Variants in EXD3 observed in about 807,000 individuals in gnomAD.
The protein encoded by EXD3 is exonuclease 3'-5' domain containing 3, also known as exonuclease mut-7 homolog.
A neutral mutation model predicts 98.0 loss-of-function variants in EXD3; 92 were observed. The ratio of observed to expected loss-of-function variants is 0.94; its 90% confidence interval spans 0.79 to 1.12. The LOEUF (loss-of-function observed/expected upper bound fraction) is 1.12. Ranked by LOEUF, EXD3 falls within the 50% of genes most tolerant of loss-of-function variation. The pLI is 0.00. For synonymous variants in EXD3, 569 were observed against 526.0 expected (o/e 1.08, Z -1.12); for missense variants, 1,222 against 1,191.6 (o/e 1.03, Z -0.38).
chr9:137,324,358 C>T lies in EXD3; in HGVS notation c.1999-215G>A, dbSNP rs963352135. ...TTGTATAGATTTAATCTTGGCACCA[C>T]GCAAACATTTTTTTTTCATAATTAG... On this transcript the variant is annotated intron_variant, in intron 17 of 21. Coordinates refer to ENST00000340951, the MANE Select transcript of EXD3 (RefSeq NM_017820.5). This position sits in a 1 kb window ranked among gnomAD's most constrained non-coding sequence, Gnocchi z 4.1. Among the ~76,000 whole-genome samples the T allele has an allele frequency of 7.2e-5, 11 of 152,138 alleles. No individual in the cohort carries two copies. The highest frequency in any genetic ancestry group is 2.2e-4 in the African/African-American group (9 of 41,436).
intron 11 of EXD3, 86 bp downstream of exon 11, chr9:137,352,534 T>C: frequency 7.7e-7 from 1 of 1,295,596 alleles, no homozygotes; most frequent in Non-Finnish European, 1.0e-6. Flanking sequence ...GCCACTGGCG[T>C]GAAGACTGGT....
At chr9:137,391,041 G>A (rs1316146073) in intron 2 of EXD3, among the ~76,000 whole-genome samples, 1 of 152,206 alleles carries the variant, frequency 6.6e-6, no homozygotes, top group Non-Finnish European at 1.5e-5. Context: ...GGTGGGGCGG[G>A]GGTGGCCTGC....
At chr9:137,420,802 T>G (rs1430497005) in intron 1 of EXD3, among the ~76,000 whole-genome samples, 1 of 143,502 alleles carries the variant, frequency 7.0e-6, no homozygotes, top group Non-Finnish European at 1.5e-5. Flanking sequence ...TGGCTTGGCT[T>G]CCTAGACATG....
At position 137,323,737 on chromosome 9, in the gene EXD3, G is replaced by A. The variant is rs948083207; in HGVS notation, c.2172C>T (p.Phe724=). 4 of 1,612,132 alleles carry A rather than the reference G, an allele frequency of 2.5e-6. No homozygotes were observed. Among genetic ancestry groups the A allele is most frequent in the African/African-American group, 1.3e-5 (1 of 74,928 alleles). ...FNVRVTHADI[F]SRCQACNCDQ... is the part of the protein sequence containing the mutation. ...GCGCAGGACCCACCTGGCAGCGGCT[G>A]AAGATGTCTGCGTGGGTGACACGCA... The change falls in exon 19 of 22, where the codon TTC becomes TTT. Residue 724 remains phenylalanine (F), a synonymous_variant. Coordinates refer to ENST00000340951, the MANE Select transcript of EXD3 (RefSeq NM_017820.5).
Position 137,356,259 on chromosome 9 carries a change from TG to T in EXD3, c.757+8del. On this transcript the variant is annotated splice_region_variant and intron_variant, in intron 8 of 21. Coordinates refer to ENST00000340951, the MANE Select transcript of EXD3 (RefSeq NM_017820.5). ...GCCTGTGGGGCAGGAATGTGGGGGCTGGACTCACCTGGGGCTACGCCGTACC... is the reference window on the plus strand; with the variant it reads ...GCCTGTGGGGCAGGAATGTGGGGGCTGACTCACCTGGGGCTACGCCGTACC... 6.3e-7 allele frequency: 1 copy of T among 1,588,278 alleles called. No individual in the cohort carries two copies.
rs73581556 is a variant in EXD3, at chr9:137,349,579, G to A, written c.1495-48C>T. The A allele has an allele frequency of 2.4e-4, 362 of 1,489,666 alleles. No individual in the cohort carries two copies. In the African/African-American group the frequency reaches 4.6e-3, roughly 19 times the overall value. The allele number at this position is 1,489,666 out of a possible 1,614,324, so 92.3% of individuals were successfully genotyped here. On this transcript the variant is annotated intron_variant, in intron 14 of 21. Coordinates refer to ENST00000340951, the MANE Select transcript of EXD3 (RefSeq NM_017820.5). This position sits in a 1 kb window ranked among gnomAD's most constrained non-coding sequence, Gnocchi z 7.4. ...GGTAACGCGTCTGGCCCTGGCGGCAGCACAGTCACCGTGCCCACTCACACC... is the reference window on the plus strand; with the variant it reads ...GGTAACGCGTCTGGCCCTGGCGGCAACACAGTCACCGTGCCCACTCACACC...
chr9:137,352,897 G>A (rs749497821), intron 10 of EXD3, 111 bp from the exon 11 acceptor site: 101 of 1,450,286 alleles, frequency 7.0e-5, no homozygotes, highest in Non-Finnish European at 7.8e-5. Context: ...ATGAGCACTC[G>A]GGGAGGAGGG....
intron 8 of EXD3, among the ~76,000 whole-genome samples, chr9:137,355,362 C>T (rs956095706): frequency 1.3e-5 from 2 of 151,506 alleles, no homozygotes; most frequent in East Asian, 3.9e-4. Flanking sequence ...GCCCCACCCC[C>T]CACGCCCAGA....
rs1015768431 is a variant in EXD3 at position 137,407,538 on chromosome 9, C to CT, written c.-47-12135dup. Among the ~76,000 whole-genome samples the CT allele has an allele frequency of 3.9e-5, 6 of 152,216 alleles. No homozygotes were observed. The highest frequency in any genetic ancestry group is 1.4e-4 in the African/African-American group (6 of 41,462). ...CAGAACCCAGCGTCCCCGCCCCCAT[C>CT]TCCCGGGATCCCTTGGCTAAGGGAG... is the stretch of plus-strand genomic sequence containing the variant. On this transcript the variant is annotated intron_variant, in intron 1 of 21. Transcript: ENST00000340951. This position sits in a 1 kb window ranked among gnomAD's most constrained non-coding sequence, Gnocchi z 4.4.
chr9:137,354,045 C>G lies in EXD3; in HGVS notation c.870+294G>C, dbSNP rs576021705. 3.3e-3 allele frequency: 3,959 copies of G among 1,203,912 alleles called. 9 individuals carry two copies. Among genetic ancestry groups the G allele is most frequent in the Non-Finnish European group, 3.9e-3 (3,789 of 969,038 alleles). 74.6% of individuals were successfully genotyped at this position (1,203,912 alleles called of 1,614,324 possible). A position where few individuals can be genotyped will look rare whatever the true frequency, so the allele number is the denominator to read the frequency against. Reference sequence around the variant, plus strand: ...CACCTCTCTGGTGACTCTCAGCCCCCACCCGGCCCCACAGGCAGCTCCGCT... The same window carrying G: ...CACCTCTCTGGTGACTCTCAGCCCCGACCCGGCCCCACAGGCAGCTCCGCT... On this transcript the variant is annotated intron_variant, in intron 10 of 21. Coordinates refer to ENST00000340951, the MANE Select transcript of EXD3 (RefSeq NM_017820.5).
At chr9:137,344,045 C>G (rs908801351) in intron 17 of EXD3, among the ~76,000 whole-genome samples, 2 of 151,102 alleles carry the variant, frequency 1.3e-5, no homozygotes, top group African/African-American at 2.4e-5. Flanking sequence ...GTGCCCGCCA[C>G]CACACCTGGC....
chr9:137,368,426 C>A (rs978991555), intron 5 of EXD3, among the ~76,000 whole-genome samples: 1 of 152,186 alleles, frequency 6.6e-6, no homozygotes, highest in Admixed American at 6.5e-5. Context: ...GGCTGAGGAC[C>A]CCCAGCCTCA....
At chr9:137,328,661 A>T (rs71485014) in intron 17 of EXD3, among the ~76,000 whole-genome samples, 2 of 21,466 alleles carry the variant, frequency 9.3e-5, no homozygotes, top group Admixed American at 5.8e-4. Flanking sequence ...ACTACACGGG[A>T]CTACACGGGA....
chr9:137,384,700 C>T (rs1588398419), intron 2 of EXD3, among the ~76,000 whole-genome samples: 1 of 152,226 alleles, frequency 6.6e-6, no homozygotes, highest in East Asian at 1.9e-4. Context: ...ATGCTCAGCA[C>T]AAGCCAAAAT....
chr9:137,415,831 T>G (rs1838206915), intron 1 of EXD3, among the ~76,000 whole-genome samples: 1 of 152,156 alleles, frequency 6.6e-6, no homozygotes, highest in Non-Finnish European at 1.5e-5. Flanking sequence ...TAAAAATACT[T>G]AATGGCATGG....
chr9:137,344,373 T>G (rs1453964293), intron 17 of EXD3, among the ~76,000 whole-genome samples: 3 of 152,148 alleles, frequency 2.0e-5, no homozygotes, highest in Non-Finnish European at 2.9e-5. Flanking sequence ...CAGTGGGAGA[T>G]AAATATTAAG....
At chr9:137,346,341 C>T (rs922461576) in intron 17 of EXD3, among the ~76,000 whole-genome samples, 2 of 146,824 alleles carry the variant, frequency 1.4e-5, no homozygotes, top group African/African-American at 5.1e-5. Flanking sequence ...TTACCCATAA[C>T]TAGTATTTAA....
At chr9:137,363,614 C>T (rs1835091917) in intron 7 of EXD3, among the ~76,000 whole-genome samples, 1 of 152,078 alleles carries the variant, frequency 6.6e-6, no homozygotes, top group African/African-American at 2.4e-5. Flanking sequence ...GCTGGGATTA[C>T]AGGTGTGAGC....
At position 137,324,030 on chromosome 9, in the gene EXD3, G is replaced by A. The variant is rs1832245878; in HGVS notation, c.2052+60C>T. 1 of 1,549,324 alleles carries A rather than the reference G, an allele frequency of 6.5e-7. No individual in the cohort carries two copies. The highest frequency in any genetic ancestry group is 1.2e-5 in the South Asian group (1 of 84,318). On this transcript the variant is annotated intron_variant, in intron 18 of 21. Coordinates refer to ENST00000340951, the MANE Select transcript of EXD3 (RefSeq NM_017820.5). The surrounding 1 kb of genome is among the most constrained non-coding windows in gnomAD (Gnocchi z 4.1). ...TGACCCTGAGGTGGGGGTGGCCGAG[G>A]GGCTGGGGGCTTGGGAAGATGGGGC...
Sources: gnomAD v4.1 joint callset for allele counts (sites outside exome capture counted in the v4.1 genomes callset) on GRCh38, gnomAD v4.1.1 for gene constraint, Gnocchi (gnomAD v3.1) non-coding constraint, MANE v1.5 for transcripts, NCBI Gene and HGNC (gene_info 2026-07-23, HGNC 2026-07-21) for gene names.